The following CNTNAP5 variants were observed in gnomAD, a reference collection of about 807,000 sequenced individuals.
The protein encoded by CNTNAP5 is contactin associated protein family member 5, also known as contactin-associated protein-like 5.
A neutral mutation model predicts 150.2 loss-of-function variants in CNTNAP5; 72 were observed. That is an observed-to-expected ratio of 0.48 (90% confidence interval 0.40 to 0.58). The LOEUF (loss-of-function observed/expected upper bound fraction) is 0.58. Among genes scored for constraint, CNTNAP5 ranks in the 20% least tolerant of loss-of-function variants. The probability of loss-of-function intolerance (pLI) is 0.00; values close to 1 mark genes in which losing one functional copy is unlikely to be tolerated. For synonymous variants in CNTNAP5, 672 were observed against 619.8 expected, an observed-to-expected ratio of 1.08 and a Z score of -1.25; for missense variants, 1,636 against 1,626.2, an observed-to-expected ratio of 1.01 and a Z score of -0.10.
chr2:124,359,048 C>G (rs377341808), intron 3 of CNTNAP5, among the ~76,000 whole-genome samples: 27 of 151,068 alleles, frequency 1.8e-4, no homozygotes, highest in African/African-American at 5.6e-4. Flanking sequence ...TGTATGTGTC[C>G]AGGAATTTAT....
intron 13 of CNTNAP5, among the ~76,000 whole-genome samples, chr2:124,651,242 T>C (rs1485989141): frequency 1.3e-5 from 2 of 152,226 alleles, no homozygotes; most frequent in Non-Finnish European, 2.9e-5. Flanking sequence ...GTAGACGTTA[T>C]GAAAAATTAT....
Position 124,903,048 on chromosome 2 carries a change from C to A in CNTNAP5, c.3603C>A (p.Gly1201=). 6.2e-7 allele frequency: 1 copy of A among 1,604,540 alleles called. No individual in the cohort carries two copies. The highest frequency in any genetic ancestry group is 8.5e-7 in the Non-Finnish European group (1 of 1,175,104). ...VHGTLTESSC[G]FMVDSDVNAV... ...GGACCTTGACGGAATCCAGCTGTGG[C>A]TTCATGGTGGACTCAGATGTGAATG... is the stretch of plus-strand genomic sequence containing the variant. Residue 1201 remains glycine, a synonymous_variant, in exon 22 of 24, where the codon GGC becomes GGA. Transcript: ENST00000682447.
chr2:124,041,951 T>G (rs1391897486), intron 1 of CNTNAP5, among the ~76,000 whole-genome samples: 1 of 152,128 alleles, frequency 6.6e-6, no homozygotes, highest in African/African-American at 2.4e-5. Context: ...AACCACCATC[T>G]CCTGGGTTCA....
chr2:124,241,077 G>A (rs2104766035), intron 2 of CNTNAP5, among the ~76,000 whole-genome samples: 1 of 152,254 alleles, frequency 6.6e-6, no homozygotes, highest in East Asian at 1.9e-4. Flanking sequence ...TCTACCCATG[G>A]CATAATACAG....
At chr2:124,314,272 C>A (rs1688905407) in intron 3 of CNTNAP5, among the ~76,000 whole-genome samples, 1 of 152,298 alleles carries the variant, frequency 6.6e-6, no homozygotes. Flanking sequence ...TGTTTCACAA[C>A]CTGCAGTTTC....
chr2:124,572,259 G>A (rs1178067245), intron 11 of CNTNAP5, among the ~76,000 whole-genome samples: 5 of 152,014 alleles, frequency 3.3e-5, no homozygotes, highest in African/African-American at 9.7e-5. Flanking sequence ...GGCTGAACTG[G>A]ATGTGAGAAA....
In CNTNAP5 at chr2:124,408,175, C is replaced by G. The variant is rs573473941; in HGVS notation, c.382-9268C>G. On this transcript the variant is annotated intron_variant, in intron 3 of 23. Transcript: ENST00000682447. ...CCACCCGAATACTGCGCTTTTCCGA[C>G]GGGCTTAAAAAACGGCACACCACGA... Among the ~76,000 whole-genome samples the G allele has an allele frequency of 2.7e-3, 411 of 152,324 alleles. 1 individual carries two copies. Among genetic ancestry groups the G allele is most frequent in the African/African-American group, 9.5e-3 (394 of 41,576 alleles).
intron 1 of CNTNAP5, among the ~76,000 whole-genome samples, chr2:124,035,549 G>A (rs1681191329): frequency 6.6e-6 from 1 of 152,048 alleles, no homozygotes; most frequent in East Asian, 1.9e-4. Flanking sequence ...GCTGCTCACC[G>A]GGAAATAGAG....
At chr2:124,910,401 T>C (rs922043836) in intron 22 of CNTNAP5, among the ~76,000 whole-genome samples, 2 of 152,104 alleles carry the variant, frequency 1.3e-5, no homozygotes, top group Non-Finnish European at 2.9e-5. Flanking sequence ...AACAAGTATA[T>C]TAACTTGTAT....
chr2:124,044,498 A>G (rs907782067), intron 1 of CNTNAP5, among the ~76,000 whole-genome samples: 2 of 152,150 alleles, frequency 1.3e-5, no homozygotes, highest in Non-Finnish European at 1.5e-5. Flanking sequence ...TTAGAACACC[A>G]ATTCTAAACC....
At chr2:124,589,352 G>C (rs1696626641) in intron 11 of CNTNAP5, among the ~76,000 whole-genome samples, 2 of 152,128 alleles carry the variant, frequency 1.3e-5, no homozygotes. Flanking sequence ...CTGTGTTGTA[G>C]CATGTCTCAT....
chr2:124,161,708 A>G (rs1684683608), intron 1 of CNTNAP5, among the ~76,000 whole-genome samples: 1 of 152,146 alleles, frequency 6.6e-6, no homozygotes, highest in South Asian at 2.1e-4. Flanking sequence ...AATGCAGATC[A>G]AAAAAAAGAA....
intron 1 of CNTNAP5, among the ~76,000 whole-genome samples, chr2:124,112,377 GT>G (rs142530303): frequency 0.012 from 1,874 of 152,208 alleles, 8 homozygotes; most frequent in Non-Finnish European, 0.019. Context: ...TATAAGAGAT[GT>G]TCTGGCCTCC....
intron 11 of CNTNAP5, among the ~76,000 whole-genome samples, chr2:124,592,462 T>C (rs1178218988): frequency 1.3e-5 from 2 of 151,760 alleles, no homozygotes; most frequent in African/African-American, 4.8e-5. Context: ...TCTATGCTCA[T>C]GATATGAGTG....
intron 6 of CNTNAP5, among the ~76,000 whole-genome samples, chr2:124,473,997 AACC>A (rs1355982486): frequency 6.6e-6 from 1 of 152,024 alleles, no homozygotes; most frequent in Non-Finnish European, 1.5e-5. Flanking sequence ...TAGTGACAAA[AACC>A]GCAGTTGCTT....
At chr2:124,407,868 C>T (rs1038609103) in intron 3 of CNTNAP5, among the ~76,000 whole-genome samples, 3 of 151,554 alleles carry the variant, frequency 2.0e-5, no homozygotes, top group Non-Finnish European at 4.4e-5. Context: ...AAAAGAACTT[C>T]GGGAGGAGGA....
chr2:124,682,668 G>C (rs1237969689), intron 13 of CNTNAP5, among the ~76,000 whole-genome samples: 1 of 152,122 alleles, frequency 6.6e-6, no homozygotes, highest in African/African-American at 2.4e-5. Flanking sequence ...TTAATTGCTA[G>C]AACTCTGAAA....
chr2:124,241,556 G>C (rs939392754), intron 2 of CNTNAP5, among the ~76,000 whole-genome samples: 10 of 152,042 alleles, frequency 6.6e-5, no homozygotes, highest in African/African-American at 1.2e-4. Flanking sequence ...TCTTGTGATG[G>C]TTTCTTTCAC....
At chr2:124,249,319 C>G (rs967120273) in intron 3 of CNTNAP5, among the ~76,000 whole-genome samples, 1 of 152,162 alleles carries the variant, frequency 6.6e-6, no homozygotes, top group Non-Finnish European at 1.5e-5. Flanking sequence ...AATCTCCTTT[C>G]CCCTTTGTTT....
Sources: gnomAD v4.1 joint callset for allele counts (sites outside exome capture counted in the v4.1 genomes callset) on GRCh38, gnomAD v4.1.1 for gene constraint, MANE v1.5 for transcripts, NCBI Gene and HGNC (gene_info 2026-07-23, HGNC 2026-07-21) for gene names.